Variants in NRIP3 observed in about 807,000 individuals in gnomAD.
NRIP3 encodes the protein nuclear receptor interacting protein 3.
Under a neutral mutation model 29.0 loss-of-function variants are expected in NRIP3, and 31 were observed. That is an observed-to-expected ratio of 1.07 (90% confidence interval 0.80 to 1.44). The LOEUF (loss-of-function observed/expected upper bound fraction) is 1.44. NRIP3 is among the 40% of genes most tolerant of loss of function. The probability of loss-of-function intolerance (pLI) is 0.00; values close to 1 mark genes in which losing one functional copy is unlikely to be tolerated. For synonymous variants in NRIP3, 131 were observed against 118.3 expected, an observed-to-expected ratio of 1.11 and a Z score of -0.70; for missense variants, 314 against 297.9, an observed-to-expected ratio of 1.05 and a Z score of -0.40.
upstream of NRIP3, chr11:9,004,002 G>A: frequency 2.2e-6 from 3 of 1,363,664 alleles, no homozygotes; most frequent in East Asian, 3.1e-5. Context: ...CTCCTCCAGC[G>A]CCGCAAGGGC....
Position 9,003,971 on chromosome 11 carries a change from C to T in NRIP3, c.-36G>A, listed in dbSNP as rs563281640. On this transcript the variant is annotated 5_prime_UTR_variant, in exon 1 of 7. Coordinates refer to ENST00000309166, the MANE Select transcript of NRIP3 (RefSeq NM_020645.3). ...CCGGCGGCCCGGTAGCCCACAGCCC[C>T]CCGGCAGCCTCAGCCTCGAGCTCCT... 1.4e-6 allele frequency: 2 copies of T among 1,460,670 alleles called. No homozygotes were observed. Among genetic ancestry groups the T allele is most frequent in the South Asian group, 1.3e-5 (1 of 76,592 alleles). 90.5% of individuals were successfully genotyped at this position (1,460,670 alleles called of 1,614,324 possible).
chr11:8,998,106 T>C (rs987259096), intron 1 of NRIP3, among the ~76,000 whole-genome samples: 1 of 152,210 alleles, frequency 6.6e-6, no homozygotes, highest in African/African-American at 2.4e-5. Context: ...AAACATGGAC[T>C]CCTGAGTCAA....
intron 2 of NRIP3, among the ~76,000 whole-genome samples, 190 bp from the exon 3 acceptor site, chr11:8,987,820 G>A (rs551856035): frequency 2.0e-5 from 3 of 152,292 alleles, no homozygotes; most frequent in African/African-American, 7.2e-5. Flanking sequence ...GCTGAATCCA[G>A]AGCTGACAGA....
At chr11:9,004,155 G>T (rs540928088), upstream of NRIP3, 25 of 386,338 alleles carry the variant, frequency 6.5e-5, no homozygotes, top group African/African-American at 4.6e-4. Context: ...CTGCTCACCC[G>T]GTGGCAAAGC....
chr11:8,988,413 TC>T, intron 1 of NRIP3, 131 bp from the exon 2 acceptor site: 2 of 731,952 alleles, frequency 2.7e-6, no homozygotes, highest in Non-Finnish European at 4.4e-6. Flanking sequence ...TATTTATACT[TC>T]CTTCAAGTGA....
chr11:9,000,567 G>A (rs930156814), intron 1 of NRIP3, among the ~76,000 whole-genome samples: 4 of 152,200 alleles, frequency 2.6e-5, no homozygotes, highest in African/African-American at 9.7e-5. Flanking sequence ...TGCCAGACAA[G>A]TAAGAATATG....
rs1388607833 is a variant in NRIP3 at position 8,988,169 on chromosome 11, A to G, written c.288T>C (p.Ser96=). Reference sequence around the variant, plus strand: ...CCTCCTCAGACTTCTTTAGCCCCTCAGACTTAGCCTGATTGAGTTTGTTCG... The same window carrying G: ...CCTCCTCAGACTTCTTTAGCCCCTCGGACTTAGCCTGATTGAGTTTGTTCG... ...SKTNKLNQAK[S]EGLKKSEEDD... is the part of the protein sequence containing the mutation. Residue 96 remains serine, a synonymous_variant, in exon 2 of 7, where the codon TCT becomes TCC. Transcript: ENST00000309166. The G allele has an allele frequency of 6.2e-7, 1 of 1,614,158 alleles. No homozygotes were observed. The highest frequency in any genetic ancestry group is 2.2e-5 in the East Asian group (1 of 44,888).
chr11:8,997,660 CT>C (rs1854733095), intron 1 of NRIP3, among the ~76,000 whole-genome samples: 1 of 152,180 alleles, frequency 6.6e-6, no homozygotes, highest in South Asian at 2.1e-4. Context: ...GTGCTGTATT[CT>C]GGGTGAAAAT....
intron 4 of NRIP3, 79 bp from the exon 5 acceptor site, chr11:8,984,203 C>G: frequency 1.2e-6 from 1 of 827,786 alleles, no homozygotes; most frequent in Non-Finnish European, 2.1e-6. Context: ...TATTAGGTTC[C>G]ATCCATCCAT....
intron 4 of NRIP3, 62 bp from the exon 5 acceptor site, chr11:8,984,186 T>A: frequency 9.6e-7 from 1 of 1,043,890 alleles, no homozygotes; most frequent in Non-Finnish European, 1.5e-6. Flanking sequence ...GAAGTTGGCC[T>A]AATCACTATT....
At chr11:9,002,210 T>G (rs1396607977) in intron 1 of NRIP3, among the ~76,000 whole-genome samples, 3 of 152,232 alleles carry the variant, frequency 2.0e-5, no homozygotes, top group African/African-American at 7.2e-5. Context: ...ATATAATACT[T>G]CCTTCTTTAT....
chr11:8,998,931 T>C (rs897199504), intron 1 of NRIP3, among the ~76,000 whole-genome samples: 1 of 151,828 alleles, frequency 6.6e-6, no homozygotes, highest in Non-Finnish European at 1.5e-5. Context: ...GTTTCCCGAG[T>C]AGCTGGGACT....
upstream of NRIP3, chr11:9,004,006 C>G (rs941669247): frequency 4.2e-5 from 57 of 1,360,478 alleles, no homozygotes; most frequent in Admixed American, 3.0e-4. Flanking sequence ...TCCAGCGCCG[C>G]AAGGGCCCCG....
chr11:9,003,817 G>T lies in NRIP3; in HGVS notation c.119C>A (p.Ser40Tyr). 1 of 1,516,700 alleles carries T rather than the reference G, an allele frequency of 6.6e-7. No homozygotes were observed. The highest frequency in any genetic ancestry group is 8.8e-7 in the Non-Finnish European group (1 of 1,132,642). The allele number at this position is 1,516,700 out of a possible 1,614,324, so 94.0% of individuals were successfully genotyped here. A position where few individuals can be genotyped will look rare whatever the true frequency, so the allele number is the denominator to read the frequency against. Residue 40 changes from serine (S) to tyrosine (Y), a missense_variant, in exon 1 of 7, where the codon TCC becomes TAC. Transcript: ENST00000309166. ...GCCGTCCAGGGGCAGCAGGTCGGCG[G>T]AGTCCTTGTGGATGAACTGCACCGC... is the stretch of plus-strand genomic sequence containing the variant. ...KQAVQFIHKD[S>Y]ADLLPLDGLK...
Position 8,983,473 on chromosome 11 carries a change from C to G in NRIP3, c.*72G>C, listed in dbSNP as rs1355026514. ...CAGCAAGTCACTACGGCATTTGGTT[C>G]AAACCCAGTTTTCTCTATCTGTCAA... On this transcript the variant is annotated 3_prime_UTR_variant, in exon 7 of 7. Transcript: ENST00000309166. 5.3e-6 allele frequency: 8 copies of G among 1,505,274 alleles called. No individual in the cohort carries two copies. Among genetic ancestry groups the G allele is most frequent in the Non-Finnish European group, 7.3e-6 (8 of 1,092,922 alleles). 93.2% of individuals were successfully genotyped at this position (1,505,274 alleles called of 1,614,324 possible). A position where few individuals can be genotyped will look rare whatever the true frequency, so the allele number is the denominator to read the frequency against.
chr11:8,992,526 AGAT>A (rs1292769038), intron 1 of NRIP3, among the ~76,000 whole-genome samples: 1 of 152,228 alleles, frequency 6.6e-6, no homozygotes, highest in East Asian at 1.9e-4. Flanking sequence ...AAAGAGAAAA[AGAT>A]GATCAAAATA....
At chr11:9,002,146 C>T (rs1055327328) in intron 1 of NRIP3, among the ~76,000 whole-genome samples, 1 of 152,134 alleles carries the variant, frequency 6.6e-6, no homozygotes, top group Non-Finnish European at 1.5e-5. Context: ...TCCTCGACAA[C>T]GAGGGACAAC....
chr11:9,004,466 C>T (rs1036671745), upstream of NRIP3: 1 of 152,530 alleles, frequency 6.6e-6, no homozygotes, highest in Non-Finnish European at 1.5e-5. Context: ...AGCCGGGGCT[C>T]CAGGGTCCAC....
intron 1 of NRIP3, among the ~76,000 whole-genome samples, chr11:8,992,726 C>A (rs1277233074): frequency 6.6e-6 from 1 of 152,006 alleles, no homozygotes; most frequent in Non-Finnish European, 1.5e-5. Flanking sequence ...CTGGCCAAGC[C>A]AACATGGTGA....
Sources: allele counts gnomAD v4.1 joint callset (sites outside exome capture counted in the v4.1 genomes callset), GRCh38; gene constraint gnomAD v4.1.1; transcripts MANE v1.5; gene names NCBI Gene and HGNC (gene_info 2026-07-23, HGNC 2026-07-21).